Variants in CTNNA3 observed in about 807,000 individuals in gnomAD.
CTNNA3 encodes the protein catenin alpha 3.
In CTNNA3, 76 loss-of-function variants were observed where a neutral mutation model predicts 95.7. That is an observed-to-expected ratio of 0.79 (90% CI 0.66 to 0.96). CTNNA3 has a LOEUF of 0.96. CTNNA3 is among the 40% of genes least tolerant of loss of function. The pLI, the probability that CTNNA3 is intolerant of heterozygous loss-of-function variation, is 0.00. For missense variants in CTNNA3, 1,191 were observed against 1,089.8 expected, an observed-to-expected ratio of 1.09 and a Z score of -1.31; for synonymous variants, 431 against 374.4, an observed-to-expected ratio of 1.15 and a Z score of -1.74.
At chr10:67,585,756 T>C (rs551777785) in intron 3 of CTNNA3, among the ~76,000 whole-genome samples, 2 of 152,264 alleles carry the variant, frequency 1.3e-5, no homozygotes, top group South Asian at 4.1e-4. Flanking sequence ...ATCAATTTTG[T>C]TTATCTTTTC....
intron 5 of CTNNA3, among the ~76,000 whole-genome samples, chr10:67,351,090 C>T (rs535603368): frequency 1.4e-5 from 2 of 144,658 alleles, no homozygotes; most frequent in East Asian, 2.1e-4. Flanking sequence ...ATCTCAAATG[C>T]TTTATGCTAA....
At chr10:66,412,325 A>G (rs2093111828) in intron 11 of CTNNA3, among the ~76,000 whole-genome samples, 1 of 152,178 alleles carries the variant, frequency 6.6e-6, no homozygotes, top group Admixed American at 6.5e-5. Context: ...TGTTGAAGAA[A>G]AAGATCATTA....
chr10:66,249,059 T>A (rs1307778842), intron 13 of CTNNA3, among the ~76,000 whole-genome samples: 1 of 152,058 alleles, frequency 6.6e-6, no homozygotes, highest in Non-Finnish European at 1.5e-5. Context: ...GAAAAGACAG[T>A]CTCTTCAATA....
chr10:66,522,254 C>A (rs1851789720), intron 10 of CTNNA3, among the ~76,000 whole-genome samples: 1 of 152,166 alleles, frequency 6.6e-6, no homozygotes, highest in Non-Finnish European at 1.5e-5. Context: ...TCAGTGATTT[C>A]ATCATTCTTC....
chr10:67,261,535 A>G (rs542448632), intron 5 of CTNNA3, among the ~76,000 whole-genome samples: 211 of 152,302 alleles, frequency 1.4e-3, no homozygotes, highest in African/African-American at 4.8e-3. Flanking sequence ...ATAATCAAGC[A>G]GAGTAAGGAG....
At chr10:66,147,608 G>GTTTTT (rs34193216) in intron 13 of CTNNA3, among the ~76,000 whole-genome samples, 23 of 105,772 alleles carry the variant, frequency 2.2e-4, no homozygotes, top group East Asian at 8.5e-4. Context: ...GTTGCTTTCA[G>GTTTTT]TTTTTTTTTT....
intron 1 of CTNNA3, among the ~76,000 whole-genome samples, chr10:67,680,893 C>A (rs971471101): frequency 2.0e-5 from 3 of 152,118 alleles, no homozygotes; most frequent in African/African-American, 7.2e-5. Context: ...GTATCAACCA[C>A]CGGAGGCACT....
intron 5 of CTNNA3, among the ~76,000 whole-genome samples, chr10:67,381,401 T>TCCAAAAAACACAAAA (rs1320896563): frequency 1.3e-5 from 2 of 152,160 alleles, no homozygotes; most frequent in Non-Finnish European, 2.9e-5. Context: ...AAGACTCTAT[T>TCCAAAAAACACAAAA]TTGTGTTTCA....
chr10:66,612,013 A>G (rs1202557553), intron 10 of CTNNA3, among the ~76,000 whole-genome samples: 5 of 152,078 alleles, frequency 3.3e-5, no homozygotes. Context: ...AGTAACTTAA[A>G]TATATTCATT....
intron 2 of CTNNA3, among the ~76,000 whole-genome samples, chr10:67,616,195 GC>G (rs932942379): frequency 4.6e-5 from 7 of 152,148 alleles, no homozygotes; most frequent in Non-Finnish European, 7.3e-5. Flanking sequence ...TATTCCAGGA[GC>G]AATAGGAAGG....
chr10:66,177,506 A>G (rs1288408825), intron 13 of CTNNA3, among the ~76,000 whole-genome samples: 3 of 152,144 alleles, frequency 2.0e-5, no homozygotes, highest in East Asian at 3.9e-4. Flanking sequence ...AAAGAGACCA[A>G]TATAATCTCC....
intron 5 of CTNNA3, among the ~76,000 whole-genome samples, chr10:67,302,004 AAAGAAAGAAAGAAAGAAAGAAAG>A: frequency 7.9e-5 from 1 of 12,590 alleles, no homozygotes; most frequent in Middle Eastern, 0.056. Context: ...CGAAAGAACG[AAAGAAAGAAAGAAAGAAAGAAAG>A]AAAGAAAGAA....
At chr10:67,167,715 C>A (rs1861838052) in intron 7 of CTNNA3, among the ~76,000 whole-genome samples, 1 of 152,164 alleles carries the variant, frequency 6.6e-6, no homozygotes, top group African/African-American at 2.4e-5. Flanking sequence ...ATGCCACTTG[C>A]TTATTTTACT....
intron 7 of CTNNA3, among the ~76,000 whole-genome samples, chr10:67,134,515 CAAGTTCTGGGAAACTGGAGCTG>C (rs1860197444): frequency 6.6e-6 from 1 of 152,050 alleles, no homozygotes; most frequent in Non-Finnish European, 1.5e-5. Flanking sequence ...CATTAAAAGC[CAAGTTCTGGGAAACTGGAGCTG>C]GTGGATTCCT....
chr10:67,293,777 T>G (rs1839928301), intron 5 of CTNNA3, among the ~76,000 whole-genome samples: 1 of 151,430 alleles, frequency 6.6e-6, no homozygotes, highest in Non-Finnish European at 1.5e-5. Flanking sequence ...TTTGGTTTTT[T>G]GTCCTTGCGA....
intron 11 of CTNNA3, among the ~76,000 whole-genome samples, chr10:66,419,031 T>G (rs1387249248): frequency 6.6e-6 from 1 of 151,894 alleles, no homozygotes; most frequent in Non-Finnish European, 1.5e-5. Context: ...GCCAGAGTAA[T>G]CAGGCAAGAG....
At chr10:66,422,741 T>A (rs142998717) in intron 11 of CTNNA3, among the ~76,000 whole-genome samples, 1 of 152,176 alleles carries the variant, frequency 6.6e-6, no homozygotes, top group East Asian at 1.9e-4. Context: ...TTGAGAAAGA[T>A]GATTTTTTTT....
intron 9 of CTNNA3, among the ~76,000 whole-genome samples, chr10:66,628,674 T>C (rs1242851420): frequency 3.9e-5 from 6 of 152,174 alleles, no homozygotes; most frequent in Non-Finnish European, 2.9e-5. Flanking sequence ...TGAAGAAGCA[T>C]GAAGAAGGAA....
chr10:67,760,110 T>C (rs1841454686), intron 1 of CTNNA3, among the ~76,000 whole-genome samples: 1 of 152,192 alleles, frequency 6.6e-6, no homozygotes, highest in African/African-American at 2.4e-5. Flanking sequence ...GGGTGGGATA[T>C]CTTGATTGAC....
Sources: allele counts gnomAD v4.1 joint callset (sites outside exome capture counted in the v4.1 genomes callset), GRCh38; gene constraint gnomAD v4.1.1; transcripts MANE v1.5; gene names NCBI Gene and HGNC (gene_info 2026-07-23, HGNC 2026-07-21).